The following MMP26 variants were observed in gnomAD, a reference collection of about 807,000 sequenced individuals.
MMP26 encodes matrix metallopeptidase 26.
MMP26 carries 33 observed loss-of-function variants against 31.0 expected under a neutral mutation model. The observed-to-expected ratio is 1.06, with a 90% confidence interval of 0.81 to 1.42. MMP26 has a LOEUF of 1.42. MMP26 is among the 40% of genes most tolerant of loss of function. MMP26 has a pLI of 0.00. For missense variants in MMP26, 347 were observed against 316.1 expected, an observed-to-expected ratio of 1.10 and a Z score of -0.74; for synonymous variants, 122 against 114.9, an observed-to-expected ratio of 1.06 and a Z score of -0.40.
chr11:4,980,933 A>G (rs1846804303), intron 2 of MMP26, among the ~76,000 whole-genome samples: 1 of 152,048 alleles, frequency 6.6e-6, no homozygotes, highest in African/African-American at 2.4e-5. Flanking sequence ...ACATATTAAG[A>G]AGGACAGGAC....
chr11:4,986,886 A>ACTTC (rs1485988143), intron 2 of MMP26, among the ~76,000 whole-genome samples: 5 of 90,612 alleles, frequency 5.5e-5, no homozygotes, highest in African/African-American at 9.6e-5. Flanking sequence ...GAGTTCTGTG[A>ACTTC]CTTCCTTCCT....
intron 2 of MMP26, chr11:4,769,195 G>C: frequency 1.2e-6 from 2 of 1,613,880 alleles, no homozygotes; most frequent in Non-Finnish European, 1.7e-6. Context: ...AGACACAGGT[G>C]CTGAAGACCT....
At chr11:4,799,690 T>C (rs1849155795) in intron 2 of MMP26, among the ~76,000 whole-genome samples, 2 of 152,184 alleles carry the variant, frequency 1.3e-5, no homozygotes. Context: ...CATCTGGGAC[T>C]CATCTCCTTT....
chr11:4,854,304 C>T (rs1850017718), intron 2 of MMP26, among the ~76,000 whole-genome samples: 1 of 152,218 alleles, frequency 6.6e-6, no homozygotes, highest in African/African-American at 2.4e-5. Flanking sequence ...AGGGAATTCC[C>T]TTTCCTAGCC....
At chr11:4,931,108 A>C (rs928293050) in intron 2 of MMP26, among the ~76,000 whole-genome samples, 2 of 152,058 alleles carry the variant, frequency 1.3e-5, no homozygotes, top group African/African-American at 4.8e-5. Context: ...AGAATATTGC[A>C]AGCTTGAATT....
intron 2 of MMP26, among the ~76,000 whole-genome samples, chr11:4,957,718 T>C (rs1846463741): frequency 6.6e-6 from 1 of 151,982 alleles, no homozygotes; most frequent in African/African-American, 2.4e-5. Context: ...AGTCTCACTC[T>C]GTCACCCAGG....
chr11:4,796,006 C>G (rs1347804486), intron 2 of MMP26, among the ~76,000 whole-genome samples: 1 of 152,082 alleles, frequency 6.6e-6, no homozygotes, highest in African/African-American at 2.4e-5. Flanking sequence ...CCTTTGGAGC[C>G]CATTATTTTT....
In MMP26 at chr11:4,931,022, T is replaced by G. The variant is rs192561484; in HGVS notation, c.-144-57046T>G. Among the ~76,000 whole-genome samples, 755 of 152,160 alleles carry G rather than the reference T, an allele frequency of 5.0e-3. 2 individuals carry two copies. Among genetic ancestry groups the G allele is most frequent in the African/African-American group, 0.018 (727 of 41,538 alleles). On this transcript the variant is annotated intron_variant, in intron 2 of 7. Coordinates refer to ENST00000380390, the MANE Select transcript of MMP26 (RefSeq NM_021801.5). Reference sequence around the variant, plus strand: ...ATAAAGCTAAAGCTGAAATTAATACTATTGTATTAATTTCTACTCATAGTA... The same window carrying G: ...ATAAAGCTAAAGCTGAAATTAATACGATTGTATTAATTTCTACTCATAGTA...
At chr11:4,841,017 C>T (rs1054868870) in intron 2 of MMP26, among the ~76,000 whole-genome samples, 1 of 152,042 alleles carries the variant, frequency 6.6e-6, no homozygotes, top group Non-Finnish European at 1.5e-5. Flanking sequence ...ATGCGATTGG[C>T]ATACTGAAGA....
intron 2 of MMP26, among the ~76,000 whole-genome samples, chr11:4,987,611 G>T (rs914895524): frequency 1.3e-5 from 2 of 151,640 alleles, no homozygotes; most frequent in Admixed American, 6.6e-5. Context: ...GTAGAGACGG[G>T]GTTTCACCGT....
intron 1 of MMP26, among the ~76,000 whole-genome samples, chr11:4,749,081 T>C (rs1223046442): frequency 6.6e-6 from 1 of 152,044 alleles, no homozygotes; most frequent in Non-Finnish European, 1.5e-5. Flanking sequence ...ATTTGATAAA[T>C]ACATTCAGTA....
At chr11:4,942,102 A>AAAAAAAAAAAAAAAAAAAAAAAAAAAG (rs1419183238) in intron 2 of MMP26, among the ~76,000 whole-genome samples, 1 of 146,650 alleles carries the variant, frequency 6.8e-6, no homozygotes, top group Non-Finnish European at 1.5e-5. Flanking sequence ...AAAAAAAAAA[A>AAAAAAAAAAAAAAAAAAAAAAAAAAAG]AAAAAAAAGG....
At chr11:4,780,690 G>A (rs118142528) in intron 2 of MMP26, among the ~76,000 whole-genome samples, 2,979 of 152,178 alleles carry the variant, frequency 0.02, 44 homozygotes, top group Non-Finnish European at 0.032. Flanking sequence ...GTTAGCATAT[G>A]AGCCAGAAAC....
chr11:4,788,108 G>T (rs774323168), intron 2 of MMP26, among the ~76,000 whole-genome samples: 43 of 152,206 alleles, frequency 2.8e-4, no homozygotes, highest in Non-Finnish European at 5.1e-4. Flanking sequence ...ATCCAGTTCT[G>T]CTCTCTCCCA....
At chr11:4,710,036 A>G (rs1257581328) in intron 1 of MMP26, 1 of 456,764 alleles carries the variant, frequency 2.2e-6, no homozygotes, top group Non-Finnish European at 4.4e-6. Flanking sequence ...GGGGAACAAC[A>G]GCTCTAGTGC....
At chr11:4,880,016 C>T (rs555138301) in intron 2 of MMP26, among the ~76,000 whole-genome samples, 8 of 152,206 alleles carry the variant, frequency 5.3e-5, no homozygotes, top group African/African-American at 1.9e-4. Flanking sequence ...TGTCTGCCTC[C>T]AGGGCTAGGG....
intron 2 of MMP26, among the ~76,000 whole-genome samples, chr11:4,922,423 T>G (rs1404848718): frequency 6.6e-6 from 1 of 152,126 alleles, no homozygotes; most frequent in Non-Finnish European, 1.5e-5. Context: ...TCCCTATGTA[T>G]CTAGATATAT....
At chr11:4,879,724 T>C (rs893299696) in intron 2 of MMP26, among the ~76,000 whole-genome samples, 7 of 152,140 alleles carry the variant, frequency 4.6e-5, no homozygotes, top group South Asian at 2.1e-4. Flanking sequence ...TACTTATGCG[T>C]AGAAGGTAGA....
chr11:4,721,192 A>G lies in MMP26; in HGVS notation c.-217+16147A>G, dbSNP rs750465668. Among the ~76,000 whole-genome samples, 4 of 152,322 alleles carry G rather than the reference A, an allele frequency of 2.6e-5. No homozygotes were observed. The East Asian group carries it at 7.7e-4, about 29-fold the overall frequency. ...GGAGCTGAGAAAGCCAATAGCCACC[A>G]CAATGGAGTAAGGTGCTTGTAACGC... On this transcript the variant is annotated intron_variant, in intron 1 of 7. Coordinates refer to ENST00000380390, the MANE Select transcript of MMP26 (RefSeq NM_021801.5).
Sources: allele counts gnomAD v4.1 joint callset (sites outside exome capture counted in the v4.1 genomes callset), GRCh38; gene constraint gnomAD v4.1.1; transcripts MANE v1.5; gene names NCBI Gene and HGNC (gene_info 2026-07-23, HGNC 2026-07-21).